FZD7: variants seen among roughly 807,000 people sequenced by gnomAD.
FZD7 encodes frizzled-7.
In FZD7, 21 loss-of-function variants were observed where a neutral mutation model predicts 39.0. The observed-to-expected ratio is 0.54, with a 90% CI of 0.38 to 0.78. The LOEUF is 0.78. Among genes scored for constraint, FZD7 ranks in the 30% least tolerant of loss-of-function variants. The pLI is 0.00. For synonymous variants in FZD7, 428 were observed against 364.9 expected (o/e 1.17, Z -1.97); for missense variants, 695 against 805.0 (o/e 0.86, Z 1.65).
rs1236286070 is a variant in FZD7 at position 202,034,734 on chromosome 2, C to A, written c.87C>A (p.Gly29=). 2 of 1,611,618 alleles carry A rather than the reference C, an allele frequency of 1.2e-6. No homozygotes were observed. The highest frequency in any genetic ancestry group is 1.7e-6 in the Non-Finnish European group (2 of 1,179,838). The change falls in exon 1 of 1, where the codon GGC becomes GGA. Residue 29 remains glycine, a synonymous_variant. Coordinates refer to ENST00000286201, the MANE Select transcript of FZD7 (RefSeq NM_003507.2). ...CGCTGCTGGGCGCACTGTCCGCGGG[C>A]GCCGGGGCGCAGCCGTACCACGGAG... ...VLALLGALSA[G]AGAQPYHGEK...
At position 202,034,809 on chromosome 2, in the gene FZD7, C is replaced by T. The variant is rs758298218; in HGVS notation, c.162C>T (p.Ile54=). 6.2e-7 allele frequency: 1 copy of T among 1,613,564 alleles called. No homozygotes were observed. Among genetic ancestry groups the T allele is most frequent in the African/African-American group, 1.3e-5 (1 of 74,940 alleles). Residue 54 remains isoleucine, a synonymous_variant, in exon 1 of 1, where the codon ATC becomes ATT. Coordinates refer to ENST00000286201, the MANE Select transcript of FZD7 (RefSeq NM_003507.2). The part of the protein sequence containing the change: ...PDHGFCQPIS[I]PLCTDIAYNQ... ...ACGGCTTCTGCCAGCCCATCTCCAT[C>T]CCGCTGTGCACGGACATCGCCTACA...
At position 202,034,535 on chromosome 2, in the gene FZD7, G is replaced by C; in HGVS notation, c.-113G>C. The C allele has an allele frequency of 1.1e-6, 1 of 898,836 alleles. No individual in the cohort carries two copies. The highest frequency in any genetic ancestry group is 1.6e-6 in the Non-Finnish European group (1 of 632,080). 55.7% of individuals were successfully genotyped at this position (898,836 alleles called of 1,614,324 possible). On this transcript the variant is annotated 5_prime_UTR_variant, in exon 1 of 1. Coordinates refer to ENST00000286201, the MANE Select transcript of FZD7 (RefSeq NM_003507.2). ...ACGCCGCCCACGGCCCGGCCCCGGC[G>C]CCGTGAGGACTCTCATGCGTCGGGC...
In FZD7 at chr2:202,036,161, T is replaced by C; in HGVS notation, c.1514T>C (p.Leu505Pro). Residue 505 changes from leucine (L) to proline (P), a missense_variant, in exon 1 of 1, where the codon CTG becomes CCG. Transcript: ENST00000286201. ...GAGCACTGGGAGCGCACCTGGCTCCTGCAGACGTGCAAGAGCTATGCCGTG... is the reference window on the plus strand; with the variant it reads ...GAGCACTGGGAGCGCACCTGGCTCCCGCAGACGTGCAAGAGCTATGCCGTG... ...FREHWERTWL[L>P]QTCKSYAVPC... 1 of 1,613,608 alleles carries C rather than the reference T, an allele frequency of 6.2e-7. No homozygotes were observed. The highest frequency in any genetic ancestry group is 8.5e-7 in the Non-Finnish European group (1 of 1,180,026).
rs902803414 is a variant in FZD7, at chr2:202,037,576, G to T, written c.*1204G>T. On this transcript the variant is annotated 3_prime_UTR_variant, in exon 1 of 1. Coordinates refer to ENST00000286201, the MANE Select transcript of FZD7 (RefSeq NM_003507.2). ...TTTCTTGCTATAAGCCTATATTTAG[G>T]TTTCTTTTCTATTTTTTTCTCCCAT... 2 of 166,510 alleles carry T rather than the reference G, an allele frequency of 1.2e-5. No homozygotes were observed. The highest frequency in any genetic ancestry group is 4.9e-5 in the African/African-American group (2 of 41,206). 10.3% of individuals were successfully genotyped at this position (166,510 alleles called of 1,614,324 possible). A position where few individuals can be genotyped will look rare whatever the true frequency, so the allele number is the denominator to read the frequency against.
Position 202,034,966 on chromosome 2 carries a change from G to A in FZD7, c.319G>A (p.Ala107Thr). Residue 107 changes from alanine to threonine, a missense_variant, in exon 1 of 1, where the codon GCG (alanine) becomes ACG (threonine). Coordinates refer to ENST00000286201, the MANE Select transcript of FZD7 (RefSeq NM_003507.2). ...ELRFFLCSMY[A>T]PVCTVLDQAI... The stretch of plus-strand genomic sequence containing the variant: ...CCGCTTTTTCTTATGCTCCATGTAT[G>A]CGCCCGTGTGCACCGTGCTCGATCA... The A allele has an allele frequency of 6.2e-7, 1 of 1,614,094 alleles. No homozygotes were observed. Among genetic ancestry groups the A allele is most frequent in the Non-Finnish European group, 8.5e-7 (1 of 1,180,028 alleles).
Position 202,034,366 on chromosome 2 carries a change from C to T in FZD7, c.-282C>T, listed in dbSNP as rs1344259140. On this transcript the variant is annotated 5_prime_UTR_variant, in exon 1 of 1. Coordinates refer to ENST00000286201, the MANE Select transcript of FZD7 (RefSeq NM_003507.2). ...GGAGGGAGCCGCACCGTTACGTCCC[C>T]GCGGGGAGAGCGAGGCGGCCCTCCT... Among the ~76,000 whole-genome samples, 3 of 151,776 alleles carry T rather than the reference C, an allele frequency of 2.0e-5. No homozygotes were observed. Among genetic ancestry groups the T allele is most frequent in the Admixed American group, 2.0e-4 (3 of 15,246 alleles).
In FZD7 at chr2:202,038,334, ATATT is replaced by A. The variant is rs1688779732; in HGVS notation, c.*1963_*1966del. On this transcript the variant is annotated 3_prime_UTR_variant, in exon 1 of 1. Coordinates refer to ENST00000286201, the MANE Select transcript of FZD7 (RefSeq NM_003507.2). ...ATCTCCCATTTTTGTAAGAAAATAT[ATATT>A]GTATTTATACATTTTTACTTTGGAT... is the stretch of plus-strand genomic sequence containing the variant. 1 of 166,884 alleles carries A rather than the reference ATATT, an allele frequency of 6.0e-6. No homozygotes were observed. Among genetic ancestry groups the A allele is most frequent in the Non-Finnish European group, 1.5e-5 (1 of 68,118 alleles). The allele number at this position is 166,884 out of a possible 1,614,324, so 10.3% of individuals were successfully genotyped here. A position where few individuals can be genotyped will look rare whatever the true frequency, so the allele number is the denominator to read the frequency against.
Position 202,035,233 on chromosome 2 carries a change from G to T in FZD7, c.586G>T (p.Gly196Trp), listed in dbSNP as rs774128163. ...CCTGCCCTTCACCGCGCTGCCCCCGGGGGCCTCAGATGGCAGGGGGCGTCC... is the reference window on the plus strand; with the variant it reads ...CCTGCCCTTCACCGCGCTGCCCCCGTGGGCCTCAGATGGCAGGGGGCGTCC... Reference protein sequence around the residue: ...PDLPFTALPPGASDGRGRPAF... With the variant: ...PDLPFTALPPWASDGRGRPAF... Residue 196 changes from glycine (G) to tryptophan (W), a missense_variant, in exon 1 of 1, where the codon GGG (glycine) becomes TGG (tryptophan). Transcript: ENST00000286201. 1 of 1,600,834 alleles carries T rather than the reference G, an allele frequency of 6.2e-7. No homozygotes were observed. Among genetic ancestry groups the T allele is most frequent in the Non-Finnish European group, 8.5e-7 (1 of 1,179,276 alleles).
rs866003666 is a variant in FZD7 at position 202,034,028 on chromosome 2, C to G, written c.-620C>G. ...TTCCAAAAAGAACTCGCCGTGCTCC[C>G]GACTCCGGGGCCGAGATCGGACTCA... On this transcript the variant is annotated 5_prime_UTR_variant, in exon 1 of 1. Transcript: ENST00000286201. Among the ~76,000 whole-genome samples, 1 of 151,906 alleles carries G rather than the reference C, an allele frequency of 6.6e-6. No homozygotes were observed. Among genetic ancestry groups the G allele is most frequent in the Non-Finnish European group, 1.5e-5 (1 of 67,940 alleles).
chr2:202,036,153 C>T lies in FZD7; in HGVS notation c.1506C>T (p.Thr502=). The change falls in exon 1 of 1, where the codon ACC becomes ACT. Residue 502 remains threonine (T), a synonymous_variant. Coordinates refer to ENST00000286201, the MANE Select transcript of FZD7 (RefSeq NM_003507.2). The part of the protein sequence containing the change: ...EQAFREHWER[T]WLLQTCKSYA... ...CCTTCCGCGAGCACTGGGAGCGCAC[C>T]TGGCTCCTGCAGACGTGCAAGAGCT... The T allele has an allele frequency of 6.2e-7, 1 of 1,613,646 alleles. No homozygotes were observed. Among genetic ancestry groups the T allele is most frequent in the Non-Finnish European group, 8.5e-7 (1 of 1,180,024 alleles).
In FZD7 at chr2:202,035,665, T is replaced by A; in HGVS notation, c.1018T>A (p.Phe340Ile). 1 of 1,614,098 alleles carries A rather than the reference T, an allele frequency of 6.2e-7. No homozygotes were observed. Among genetic ancestry groups the A allele is most frequent in the Non-Finnish European group, 8.5e-7 (1 of 1,180,012 alleles). ...CAAGAAGGAGGGCTGCACCATCCTC[T>A]TCATGGTGCTCTACTTCTTCGGCAT... Reference protein sequence around the residue: ...GTKKEGCTILFMVLYFFGMAS... With the variant: ...GTKKEGCTILIMVLYFFGMAS... Residue 340 changes from phenylalanine to isoleucine, a missense_variant, in exon 1 of 1, where the codon TTC becomes ATC. By Grantham distance (21) the Phe-to-Ile change is conservative. Transcript: ENST00000286201.
chr2:202,036,390 C>T lies in FZD7; in HGVS notation c.*18C>T. On this transcript the variant is annotated 3_prime_UTR_variant, in exon 1 of 1. Transcript: ENST00000286201. ...CGGTATGAGCCCCGGCCCCTCCCCA[C>T]CTTTCCCACCCCAGCCCTCTTGCAA... 6.3e-7 allele frequency: 1 copy of T among 1,576,252 alleles called. No homozygotes were observed. The highest frequency in any genetic ancestry group is 8.7e-7 in the Non-Finnish European group (1 of 1,153,742).
chr2:202,035,100 C>A lies in FZD7; in HGVS notation c.453C>A (p.Phe151Leu). Residue 151 changes from phenylalanine (F) to leucine (L), a missense_variant, in exon 1 of 1, where the codon TTC (phenylalanine) becomes TTA (leucine). Transcript: ENST00000286201. ...QWPERLRCEN[F>L]PVHGAGEICV... The stretch of plus-strand genomic sequence containing the variant: ...CCGAGCGGCTGCGCTGCGAGAACTT[C>A]CCGGTGCACGGTGCGGGCGAGATCT... The A allele has an allele frequency of 1.9e-6, 3 of 1,609,044 alleles. No homozygotes were observed. Among genetic ancestry groups the A allele is most frequent in the South Asian group, 2.2e-5 (2 of 91,002 alleles).
Position 202,035,494 on chromosome 2 carries a change from A to C in FZD7, c.847A>C (p.Ser283Arg). Reference protein sequence around the residue: ...LTYLVDMRRFSYPERPIIFLS... With the variant: ...LTYLVDMRRFRYPERPIIFLS... ...CTACCTGGTGGACATGCGGCGCTTC[A>C]GCTACCCAGAGCGGCCCATCATCTT... is the stretch of plus-strand genomic sequence containing the variant. The change falls in exon 1 of 1, where the codon AGC becomes CGC. Residue 283 changes from serine to arginine, a missense_variant. Transcript: ENST00000286201. 1 of 1,614,142 alleles carries C rather than the reference A, an allele frequency of 6.2e-7. No individual in the cohort carries two copies. Among genetic ancestry groups the C allele is most frequent in the East Asian group, 2.2e-5 (1 of 44,882 alleles).
In FZD7 at chr2:202,035,868, G is replaced by C. The variant is rs1476098611; in HGVS notation, c.1221G>C (p.Leu407=). 27 of 1,614,178 alleles carry C rather than the reference G, an allele frequency of 1.7e-5. No homozygotes were observed. Among genetic ancestry groups the C allele is most frequent in the Non-Finnish European group, 2.2e-5 (26 of 1,180,030 alleles). Residue 407 remains leucine, a synonymous_variant, in exon 1 of 1, where the codon CTG becomes CTC. Transcript: ENST00000286201. ...LAMGQVDGDL[L]SGVCYVGLSS... is the part of the protein sequence containing the mutation. Reference sequence around the variant, plus strand: ...TGGGCCAGGTAGACGGGGACCTGCTGAGCGGGGTGTGCTACGTTGGCCTCT... The same window carrying C: ...TGGGCCAGGTAGACGGGGACCTGCTCAGCGGGGTGTGCTACGTTGGCCTCT...
Position 202,034,662 on chromosome 2 carries a change from C to A in FZD7, c.15C>A (p.Gly5=). 1 of 1,568,626 alleles carries A rather than the reference C, an allele frequency of 6.4e-7. No individual in the cohort carries two copies. ...CGCGGCCGGCGATGCGGGACCCCGG[C>A]GCGGCCGCTCCGCTTTCGTCCCTGG... MRDP[G]AAAPLSSLGL... Residue 5 remains glycine (G), a synonymous_variant, in exon 1 of 1, where the codon GGC becomes GGA. Coordinates refer to ENST00000286201, the MANE Select transcript of FZD7 (RefSeq NM_003507.2).
Position 202,036,303 on chromosome 2 carries a change from G to T in FZD7, c.1656G>T (p.Lys552Asn). 6.2e-7 allele frequency: 1 copy of T among 1,613,284 alleles called. No homozygotes were observed. Among genetic ancestry groups the T allele is most frequent in the Non-Finnish European group, 8.5e-7 (1 of 1,180,006 alleles). ...ITTGFWIWSG[K>N]TLQSWRRFYH... ...CTGGCTTCTGGATCTGGTCGGGCAA[G>T]ACCCTGCAGTCGTGGCGCCGCTTCT... Residue 552 changes from lysine (K) to asparagine (N), a missense_variant, in exon 1 of 1, where the codon AAG (lysine) becomes AAT (asparagine). Coordinates refer to ENST00000286201, the MANE Select transcript of FZD7 (RefSeq NM_003507.2).
Position 202,035,678 on chromosome 2 carries a change from A to T in FZD7, c.1031A>T (p.Tyr344Phe). The change falls in exon 1 of 1, where the codon TAC becomes TTC. Residue 344 changes from tyrosine (Y) to phenylalanine (F), a missense_variant. By Grantham distance (22) the Tyr-to-Phe change is conservative (BLOSUM62 3). Transcript: ENST00000286201. ...EGCTILFMVL[Y>F]FFGMASSIWW... ...TGCACCATCCTCTTCATGGTGCTCT[A>T]CTTCTTCGGCATGGCCAGCTCCATC... The T allele has an allele frequency of 3.1e-6, 5 of 1,613,984 alleles. No individual in the cohort carries two copies. Among genetic ancestry groups the T allele is most frequent in the Non-Finnish European group, 4.2e-6 (5 of 1,180,020 alleles).
In FZD7 at chr2:202,037,676, AAAG is replaced by A. The variant is rs1688769029; in HGVS notation, c.*1306_*1308del. 6.0e-6 allele frequency: 1 copy of A among 166,760 alleles called. No individual in the cohort carries two copies. The highest frequency in any genetic ancestry group is 1.5e-5 in the Non-Finnish European group (1 of 68,074). 10.3% of individuals were successfully genotyped at this position (166,760 alleles called of 1,614,324 possible). ...GGAAAGTTAATTAAAAAAAAAAAGC[AAAG>A]AGCCATTTTGTCCTGTTTTCTTGGT... On this transcript the variant is annotated 3_prime_UTR_variant, in exon 1 of 1. Transcript: ENST00000286201.
Sources: allele counts gnomAD v4.1 joint callset (sites outside exome capture counted in the v4.1 genomes callset), GRCh38; gene constraint gnomAD v4.1.1; transcripts MANE v1.5; gene names NCBI Gene and HGNC (gene_info 2026-07-23, HGNC 2026-07-21).